The following CNTN3 variants were observed in gnomAD, a reference collection of about 807,000 sequenced individuals.
The protein encoded by CNTN3 is contactin-3.
A neutral mutation model predicts 119.1 loss-of-function variants in CNTN3; 60 were observed. The observed-to-expected ratio is 0.50, with a 90% CI of 0.41 to 0.62. CNTN3 has a LOEUF of 0.62. Among genes scored for constraint, CNTN3 ranks in the 20% least tolerant of loss-of-function variants. The pLI is 0.00. For synonymous variants in CNTN3, 450 were observed against 438.7 expected (o/e 1.03, Z -0.32); for missense variants, 1,101 against 1,242.4 (o/e 0.89, Z 1.71).
chr3:74,325,168 A>G (rs1268004640), intron 13 of CNTN3, among the ~76,000 whole-genome samples: 1 of 152,076 alleles, frequency 6.6e-6, no homozygotes, highest in East Asian at 1.9e-4. Flanking sequence ...AGCAGTTTGC[A>G]TTTTGTTTTA....
intron 11 of CNTN3, among the ~76,000 whole-genome samples, chr3:74,339,741 G>A (rs1434422159): frequency 1.3e-5 from 2 of 152,074 alleles, no homozygotes; most frequent in Non-Finnish European, 2.9e-5. Context: ...AGTAAATGAC[G>A]GTATGCCTTT....
intron 1 of CNTN3, among the ~76,000 whole-genome samples, chr3:74,524,651 T>A (rs993944862): frequency 7.9e-5 from 12 of 151,792 alleles, no homozygotes; most frequent in Non-Finnish European, 1.5e-4. Flanking sequence ...GTAGCTAATG[T>A]CTGGACACCA....
intron 13 of CNTN3, among the ~76,000 whole-genome samples, chr3:74,331,905 A>G (rs1264852483): frequency 6.6e-6 from 1 of 152,134 alleles, no homozygotes; most frequent in Non-Finnish European, 1.5e-5. Context: ...GGTTTAAATT[A>G]TTGGAGCTTT....
chr3:74,269,201 T>C (rs1191384031), intron 20 of CNTN3, among the ~76,000 whole-genome samples: 1 of 152,086 alleles, frequency 6.6e-6, no homozygotes, highest in African/African-American at 2.4e-5. Context: ...TTAAGAAAAA[T>C]TAAACATCTA....
chr3:74,320,273 G>T lies in CNTN3; in HGVS notation c.1668+14462C>A, dbSNP rs561950193. 7.8e-4 allele frequency among the ~76,000 whole-genome samples: 119 copies of T among 152,250 alleles called. 1 individual carries two copies. Among genetic ancestry groups the T allele is most frequent in the Middle Eastern group, 6.8e-3 (2 of 294 alleles). On this transcript the variant is annotated intron_variant, in intron 13 of 22. Transcript: ENST00000263665. ...GTAAAGACTTGGAACCAACCCAAAT[G>T]TCCAACAACGATAGACTGGATTAAG...
chr3:74,563,154 C>T (rs1316994233), intron 1 of CNTN3, among the ~76,000 whole-genome samples: 1 of 152,094 alleles, frequency 6.6e-6, no homozygotes, highest in East Asian at 1.9e-4. Flanking sequence ...CTATACATTC[C>T]GCCACTCAAC....
intron 5 of CNTN3, among the ~76,000 whole-genome samples, chr3:74,391,368 C>A (rs767446450): frequency 4.6e-5 from 7 of 152,128 alleles, no homozygotes; most frequent in Non-Finnish European, 1.0e-4. Context: ...AGCTCTACTG[C>A]TTACCAATTA....
At chr3:74,478,328 C>T (rs1702697172) in intron 4 of CNTN3, among the ~76,000 whole-genome samples, 1 of 152,048 alleles carries the variant, frequency 6.6e-6, no homozygotes, top group Non-Finnish European at 1.5e-5. Flanking sequence ...AATCCAGGTT[C>T]TCTGTCCCGT....
chr3:74,528,236 A>C (rs1475838244), intron 1 of CNTN3, among the ~76,000 whole-genome samples: 1 of 151,844 alleles, frequency 6.6e-6, no homozygotes, highest in Non-Finnish European at 1.5e-5. Context: ...GATAATGAAG[A>C]ATGTACCTTT....
chr3:74,386,535 C>T (rs960131665), intron 5 of CNTN3, among the ~76,000 whole-genome samples: 4 of 152,140 alleles, frequency 2.6e-5, no homozygotes, highest in Non-Finnish European at 4.4e-5. Context: ...AAGTGAGACC[C>T]TGTCACAAAA....
intron 4 of CNTN3, among the ~76,000 whole-genome samples, chr3:74,432,004 C>T (rs1318845785): frequency 6.6e-6 from 1 of 151,732 alleles, no homozygotes; most frequent in East Asian, 1.9e-4. Context: ...ATAATTTGTA[C>T]CAGGAACACA....
intron 20 of CNTN3, 29 bp downstream of exon 20, chr3:74,285,276 A>G (rs776399496): frequency 7.0e-6 from 11 of 1,571,402 alleles, no homozygotes; most frequent in African/African-American, 1.4e-5. Context: ...TATTTTCCGT[A>G]CCATTCAAAG....
chr3:74,387,571 G>A (rs1392724263), intron 5 of CNTN3, among the ~76,000 whole-genome samples: 1 of 152,224 alleles, frequency 6.6e-6, no homozygotes, highest in African/African-American at 2.4e-5. Flanking sequence ...TGCAGAATGA[G>A]CTGGGAGTTG....
chr3:74,390,126 A>G (rs1245834357), intron 5 of CNTN3, among the ~76,000 whole-genome samples: 2 of 152,334 alleles, frequency 1.3e-5, no homozygotes, highest in Non-Finnish European at 2.9e-5. Flanking sequence ...TACTCTATGA[A>G]CTAACAAGAA....
At chr3:74,289,325 A>T (rs1355525545) in intron 19 of CNTN3, among the ~76,000 whole-genome samples, 1 of 152,144 alleles carries the variant, frequency 6.6e-6, no homozygotes, top group African/African-American at 2.4e-5. Flanking sequence ...TCAATACTGT[A>T]TTCATGCTAC....
intron 17 of CNTN3, among the ~76,000 whole-genome samples, chr3:74,299,203 C>G (rs1207613422): frequency 6.6e-6 from 1 of 151,388 alleles, no homozygotes; most frequent in Non-Finnish European, 1.5e-5. Context: ...GCAAGACTGT[C>G]TCAAAAAAAA....
At chr3:74,438,437 T>C (rs904291635) in intron 4 of CNTN3, among the ~76,000 whole-genome samples, 1 of 152,238 alleles carries the variant, frequency 6.6e-6, no homozygotes, top group Non-Finnish European at 1.5e-5. Flanking sequence ...CAATAAGTGT[T>C]AGCATGTTGC....
chr3:74,557,981 T>C (rs1704097109), intron 1 of CNTN3, among the ~76,000 whole-genome samples: 1 of 152,162 alleles, frequency 6.6e-6, no homozygotes. Flanking sequence ...TAGTTCCCCT[T>C]CAGAATGAAA....
At chr3:74,330,386 T>G (rs1270077515) in intron 13 of CNTN3, among the ~76,000 whole-genome samples, 1 of 151,714 alleles carries the variant, frequency 6.6e-6, no homozygotes, top group African/African-American at 2.4e-5. Context: ...TATTGACTAG[T>G]GACACTGTAG....
Sources: allele counts gnomAD v4.1 joint callset (sites outside exome capture counted in the v4.1 genomes callset), GRCh38; gene constraint gnomAD v4.1.1; transcripts MANE v1.5; gene names NCBI Gene and HGNC (gene_info 2026-07-23, HGNC 2026-07-21).